Variants in ZNF808 observed in about 807,000 individuals in gnomAD.
The protein encoded by ZNF808 is zinc finger protein 808.
Under a neutral mutation model 8.7 loss-of-function variants are expected in ZNF808, and 5 were observed. The observed-to-expected ratio is 0.58, with a 90% confidence interval of 0.30 to 1.21. ZNF808 has a LOEUF of 1.21. ZNF808 is among the 50% of genes most tolerant of loss of function. ZNF808 has a pLI of 0.07. For synonymous variants in ZNF808, 380 were observed against 366.0 expected, an observed-to-expected ratio of 1.04 and a Z score of -0.44; for missense variants, 1,103 against 1,098.4, an observed-to-expected ratio of 1.00 and a Z score of -0.06.
Position 52,555,040 on chromosome 19 carries a change from G to T in ZNF808, c.2124G>T (p.Lys708Asn). ...TRIHSGMKPY[K>N]CNECSKTFSN... ...TTCACAGTGGAATGAAACCTTACAAGTGTAATGAGTGCAGCAAGACCTTCA... is the reference window on the plus strand; with the variant it reads ...TTCACAGTGGAATGAAACCTTACAATTGTAATGAGTGCAGCAAGACCTTCA... Residue 708 changes from lysine to asparagine, a missense_variant, in exon 5 of 5, where the codon AAG (lysine) becomes AAT (asparagine). By Grantham distance (94) the Lys-to-Asn change is moderately conservative. Coordinates refer to ENST00000359798, the MANE Select transcript of ZNF808 (RefSeq NM_001039886.4). 1 of 1,614,050 alleles carries T rather than the reference G, an allele frequency of 6.2e-7. No homozygotes were observed. Among genetic ancestry groups the T allele is most frequent in the South Asian group, 1.1e-5 (1 of 91,076 alleles).
chr19:52,544,384 G>T (rs534338048), intron 3 of ZNF808, among the ~76,000 whole-genome samples: 2 of 152,242 alleles, frequency 1.3e-5, no homozygotes, highest in African/African-American at 2.4e-5. Flanking sequence ...AAGCTGGAGC[G>T]CAGTGGTACG....
chr19:52,531,360 A>G (rs983323694), intron 1 of ZNF808, among the ~76,000 whole-genome samples: 30 of 151,876 alleles, frequency 2.0e-4, no homozygotes, highest in African/African-American at 6.8e-4. Context: ...CTGTAATCTC[A>G]GCTACTCGGG....
intron 4 of ZNF808, among the ~76,000 whole-genome samples, chr19:52,550,229 GTTTT>G (rs57744050): frequency 6.9e-6 from 1 of 144,696 alleles, no homozygotes; most frequent in Non-Finnish European, 1.5e-5. Flanking sequence ...TCCAGGGTTG[GTTTT>G]TTTTTTTTGT....
chr19:52,551,817 A>G (rs2123182188), intron 4 of ZNF808, among the ~76,000 whole-genome samples: 1 of 152,062 alleles, frequency 6.6e-6, no homozygotes, highest in Middle Eastern at 3.4e-3. Context: ...AGCCTGGCCA[A>G]CATGGTGAAA....
At chr19:52,531,924 G>A (rs925930212) in intron 1 of ZNF808, among the ~76,000 whole-genome samples, 5 of 152,164 alleles carry the variant, frequency 3.3e-5, no homozygotes, top group Non-Finnish European at 5.9e-5. Context: ...ACATCAGAAG[G>A]TAGTGATCTT....
rs553264754 is a variant in ZNF808, at chr19:52,535,253, C to T, written c.-20+2244C>T. Reference sequence around the variant, plus strand: ...GGCTGAGGCAGGAGAATTGCGTGAACCCGGGAGGCGGAGCTTGCAGTGAGC... The same window carrying T: ...GGCTGAGGCAGGAGAATTGCGTGAATCCGGGAGGCGGAGCTTGCAGTGAGC... On this transcript the variant is annotated intron_variant, in intron 2 of 4. Coordinates refer to ENST00000359798, the MANE Select transcript of ZNF808 (RefSeq NM_001039886.4). 1.3e-4 allele frequency among the ~76,000 whole-genome samples: 19 copies of T among 143,562 alleles called. No individual in the cohort carries two copies. In the East Asian group the frequency reaches 2.5e-3, roughly 19 times the overall value. 94.2% of individuals were successfully genotyped at this position (143,562 alleles called of 152,430 possible).
At chr19:52,546,219 G>T (rs1194896795) in intron 3 of ZNF808, among the ~76,000 whole-genome samples, 1 of 139,394 alleles carries the variant, frequency 7.2e-6, no homozygotes, top group Non-Finnish European at 1.5e-5. Flanking sequence ...ACAGAGTATT[G>T]CTTTGTCACC....
Position 52,553,097 on chromosome 19 carries a change from T to G in ZNF808, c.191-10T>G. On this transcript the variant is annotated splice_polypyrimidine_tract_variant and intron_variant, in intron 4 of 4. Transcript: ENST00000359798. ...TTAATTGGAAATGTATTGGTGTTTATATTTTGTAGATATCTCTTCCAAACA... is the reference window on the plus strand; with the variant it reads ...TTAATTGGAAATGTATTGGTGTTTAGATTTTGTAGATATCTCTTCCAAACA... The G allele has an allele frequency of 1.3e-6, 2 of 1,533,646 alleles. No individual in the cohort carries two copies. Among genetic ancestry groups the G allele is most frequent in the South Asian group, 2.6e-5 (2 of 75,788 alleles).
intron 1 of ZNF808, among the ~76,000 whole-genome samples, chr19:52,530,535 T>A (rs112328812): frequency 1.3e-5 from 2 of 152,078 alleles, no homozygotes; most frequent in Non-Finnish European, 2.9e-5. Context: ...TGGTGGCAGA[T>A]GCCTGTAATC....
In ZNF808 at chr19:52,545,667, A is replaced by G. The variant is rs1394038035; in HGVS notation, c.64-1845A>G. Among the ~76,000 whole-genome samples the G allele has an allele frequency of 5.3e-5, 8 of 152,074 alleles. No individual in the cohort carries two copies. In the South Asian group the frequency reaches 8.3e-4, roughly 16 times the overall value. On this transcript the variant is annotated intron_variant, in intron 3 of 4. Coordinates refer to ENST00000359798, the MANE Select transcript of ZNF808 (RefSeq NM_001039886.4). Reference sequence around the variant, plus strand: ...GTGGCAGGTGCCTCAAATCCTAGCTACTGGGGAGGCTGAAGCAAGAGAATT... The same window carrying G: ...GTGGCAGGTGCCTCAAATCCTAGCTGCTGGGGAGGCTGAAGCAAGAGAATT...
At chr19:52,556,536 C>CTGGT (rs2123217922), downstream of ZNF808, 1 of 152,242 alleles carries the variant, frequency 6.6e-6, no homozygotes, top group East Asian at 1.9e-4. Context: ...CCATATTAGG[C>CTGGT]TGGTCTTGAA....
At chr19:52,539,434 C>T (rs1346973175) in intron 2 of ZNF808, among the ~76,000 whole-genome samples, 2 of 151,820 alleles carry the variant, frequency 1.3e-5, no homozygotes, top group African/African-American at 2.4e-5. Context: ...TTGTGATCCA[C>T]CGCCTTGGCC....
intron 1 of ZNF808, among the ~76,000 whole-genome samples, chr19:52,530,286 C>T (rs1441790753): frequency 6.6e-6 from 1 of 152,034 alleles, no homozygotes; most frequent in Admixed American, 6.5e-5. Flanking sequence ...GTCTTTAACT[C>T]CCTACCTCAA....
chr19:52,543,895 A>G (rs112913607), intron 3 of ZNF808, among the ~76,000 whole-genome samples: 1 of 150,732 alleles, frequency 6.6e-6, no homozygotes, highest in South Asian at 2.1e-4. Flanking sequence ...GCAGTGGCTT[A>G]CACCTGTAAT....
chr19:52,530,407 T>TA (rs928358831), intron 1 of ZNF808, among the ~76,000 whole-genome samples: 7 of 151,872 alleles, frequency 4.6e-5, no homozygotes, highest in African/African-American at 1.7e-4. Flanking sequence ...CTCACGCCTG[T>TA]AATCCCAGCA....
chr19:52,530,338 G>A (rs1408401483), intron 1 of ZNF808, among the ~76,000 whole-genome samples: 1 of 152,034 alleles, frequency 6.6e-6, no homozygotes, highest in Non-Finnish European at 1.5e-5. Flanking sequence ...GGGATTCCTG[G>A]CGTGAGCCAC....
chr19:52,560,050 G>C (rs934577273), downstream of ZNF808, among the ~76,000 whole-genome samples: 11 of 152,242 alleles, frequency 7.2e-5, no homozygotes, highest in African/African-American at 2.6e-4. Flanking sequence ...TATTAGTAAG[G>C]ATTGGCCGGG....
At chr19:52,560,014 T>C (rs958177015), downstream of ZNF808, among the ~76,000 whole-genome samples, 2 of 152,196 alleles carry the variant, frequency 1.3e-5, no homozygotes, top group African/African-American at 2.4e-5. Flanking sequence ...TATTTTTCAT[T>C]TTTGTTAACT....
chr19:52,555,368 C>T lies in ZNF808; in HGVS notation c.2452C>T (p.Pro818Ser), dbSNP rs776911886. Residue 818 changes from proline to serine, a missense_variant, in exon 5 of 5, where the codon CCT becomes TCT. Pro to Ser is a moderately conservative substitution (Grantham distance 74). Coordinates refer to ENST00000359798, the MANE Select transcript of ZNF808 (RefSeq NM_001039886.4). Reference protein sequence around the residue: ...RHIRIHTAEKPYKCNECGKAF... With the variant: ...RHIRIHTAEKSYKCNECGKAF... ...TATTAGAATTCACACTGCAGAGAAACCTTACAAGTGTAATGAATGTGGAAA... is the reference window on the plus strand; with the variant it reads ...TATTAGAATTCACACTGCAGAGAAATCTTACAAGTGTAATGAATGTGGAAA... 2.8e-5 allele frequency: 45 copies of T among 1,614,126 alleles called. No homozygotes were observed. The South Asian group carries it at 4.8e-4, about 17-fold the overall frequency.
Sources: gnomAD v4.1 joint callset for allele counts (sites outside exome capture counted in the v4.1 genomes callset) on GRCh38, gnomAD v4.1.1 for gene constraint, MANE v1.5 for transcripts, NCBI Gene and HGNC (gene_info 2026-07-23, HGNC 2026-07-21) for gene names.